NF2: variants seen among roughly 807,000 people sequenced by gnomAD.
NF2 encodes the protein NF2, moesin-ezrin-radixin like (MERLIN) tumor suppressor.
NF2 carries 8 observed loss-of-function variants against 83.7 expected under a neutral mutation model. That is an observed-to-expected ratio of 0.10 (90% CI 0.06 to 0.17). The LOEUF (loss-of-function observed/expected upper bound fraction) is 0.17. NF2 is among the 10% of genes least tolerant of loss of function. NF2 has a pLI of 1.00. For synonymous variants in NF2, 266 were observed against 269.6 expected (o/e 0.99, Z 0.13); for missense variants, 533 against 744.4 (o/e 0.72, Z 3.31).
chr22:29,648,469 G>T (rs1428307221), intron 4 of NF2, among the ~76,000 whole-genome samples: 1 of 152,214 alleles, frequency 6.6e-6, no homozygotes, highest in African/African-American at 2.4e-5. Flanking sequence ...CTGCCAAAGG[G>T]ATTGTGAAAT....
Position 29,677,916 on chromosome 22 carries a change from A to G in NF2, c.1447-280A>G, listed in dbSNP as rs3830085. ...GGGCCTGGGAGTTTCCTAAATGAAAAAGCGAGTGGGAGTTTGTGTTTGATT... is the reference window on the plus strand; with the variant it reads ...GGGCCTGGGAGTTTCCTAAATGAAAGAGCGAGTGGGAGTTTGTGTTTGATT... On this transcript the variant is annotated intron_variant, in intron 13 of 15. Coordinates refer to ENST00000338641, the MANE Select transcript of NF2 (RefSeq NM_000268.4). Among the ~76,000 whole-genome samples, 89 of 152,322 alleles carry G rather than the reference A, an allele frequency of 5.8e-4. 2 individuals carry two copies. In the East Asian group the frequency reaches 0.012, roughly 21 times the overall value.
rs916015534 is a variant in NF2 at position 29,683,206 on chromosome 22, A to G, written c.1737+1605A>G. 4 of 1,601,060 alleles carry G rather than the reference A, an allele frequency of 2.5e-6. No individual in the cohort carries two copies. The African/African-American group carries it at 4.0e-5, about 16-fold the overall frequency. On this transcript the variant is annotated intron_variant, in intron 15 of 15. Transcript: ENST00000338641. ...GTGGTGCCTGGGTACTGGCCGCAGC[A>G]TGCTTTGAGTCTAAAAGTAGGCACC...
chr22:29,664,371 C>CCACACACA (rs35386801), intron 8 of NF2, among the ~76,000 whole-genome samples: 25 of 146,454 alleles, frequency 1.7e-4, no homozygotes, highest in African/African-American at 4.8e-4. Flanking sequence ...AAAGCTAATA[C>CCACACACA]CACACACACA....
Position 29,657,798 on chromosome 22 carries a change from A to C in NF2, c.600-391A>C, listed in dbSNP as rs1054855292. 1.2e-4 allele frequency among the ~76,000 whole-genome samples: 18 copies of C among 152,236 alleles called. 1 individual carries two copies. The highest frequency in any genetic ancestry group is 2.2e-4 in the Non-Finnish European group (15 of 68,034). ...TTTCCAGAACCTTCCAGGTAAAGAA[A>C]GTACACAAAGGAAAAGCAAGAACTT... On this transcript the variant is annotated intron_variant, in intron 6 of 15. Coordinates refer to ENST00000338641, the MANE Select transcript of NF2 (RefSeq NM_000268.4).
chr22:29,659,167 T>C (rs2066404226), intron 7 of NF2, among the ~76,000 whole-genome samples: 1 of 152,244 alleles, frequency 6.6e-6, no homozygotes, highest in South Asian at 2.1e-4. Flanking sequence ...GTACAGGAAG[T>C]TCTTTTCTAA....
intron 11 of NF2, among the ~76,000 whole-genome samples, chr22:29,672,711 G>A (rs927090231): frequency 6.6e-6 from 1 of 151,748 alleles, no homozygotes; most frequent in African/African-American, 2.4e-5. Flanking sequence ...CGCCTCCTGG[G>A]TTCAAGCGAT....
chr22:29,643,999 C>T (rs1443629015), intron 4 of NF2, among the ~76,000 whole-genome samples: 21 of 136,056 alleles, frequency 1.5e-4, no homozygotes, highest in African/African-American at 2.0e-4. Context: ...CCGGACGGGG[C>T]GGCTGGCCTG....
chr22:29,622,913 C>T (rs977892704), intron 1 of NF2, among the ~76,000 whole-genome samples: 3 of 149,930 alleles, frequency 2.0e-5, no homozygotes, highest in African/African-American at 7.4e-5. Context: ...CTCGGCCTCC[C>T]AAAGTGCTGG....
rs374219104 is a variant in NF2 at position 29,694,846 on chromosome 22, C to T, written c.*44C>T. 5.6e-5 allele frequency: 89 copies of T among 1,590,090 alleles called. No homozygotes were observed. The highest frequency in any genetic ancestry group is 6.8e-5 in the South Asian group (6 of 88,660). ...CAGGACCTGCCACTTCTCCTGCTAC[C>T]GGGACCGCGGGATGGACCAGATATC... On this transcript the variant is annotated 3_prime_UTR_variant, in exon 16 of 16. Coordinates refer to ENST00000338641, the MANE Select transcript of NF2 (RefSeq NM_000268.4). This position sits in a 1 kb window ranked among gnomAD's most constrained non-coding sequence, Gnocchi z 4.1.
chr22:29,672,742 A>G (rs1020848544), intron 11 of NF2, among the ~76,000 whole-genome samples: 7 of 151,348 alleles, frequency 4.6e-5, no homozygotes, highest in Admixed American at 6.6e-5. Flanking sequence ...CAGCCTCCCA[A>G]GTAGCTGGGA....
intron 11 of NF2, among the ~76,000 whole-genome samples, chr22:29,672,503 G>A (rs1409518136): frequency 6.6e-6 from 1 of 151,860 alleles, no homozygotes; most frequent in African/African-American, 2.4e-5. Context: ...TAGTAGAGAT[G>A]GGGTTTCCCC....
At chr22:29,647,968 C>T (rs909263242) in intron 4 of NF2, among the ~76,000 whole-genome samples, 13 of 151,558 alleles carry the variant, frequency 8.6e-5, no homozygotes, top group African/African-American at 3.2e-4. Context: ...TAAATAAATA[C>T]ATACATACAA....
chr22:29,694,664 T>C lies in NF2; in HGVS notation c.1738-88T>C, dbSNP rs2067495389. 1 of 1,393,502 alleles carries C rather than the reference T, an allele frequency of 7.2e-7. No individual in the cohort carries two copies. The highest frequency in any genetic ancestry group is 1.4e-5 in the African/African-American group (1 of 70,016). The allele number at this position is 1,393,502 out of a possible 1,614,324, so 86.3% of individuals were successfully genotyped here. ...CCTTCCCTTTCGCTCCCAGCCACCT[T>C]TGAGGTGAGTCCAAGTGGCAGGACA... is the stretch of plus-strand genomic sequence containing the variant. On this transcript the variant is annotated intron_variant, in intron 15 of 15. Transcript: ENST00000338641. This position sits in a 1 kb window ranked among gnomAD's most constrained non-coding sequence, Gnocchi z 4.1.
chr22:29,637,896 G>A (rs967194518), intron 2 of NF2, among the ~76,000 whole-genome samples: 9 of 152,182 alleles, frequency 5.9e-5, no homozygotes, highest in Non-Finnish European at 1.2e-4. Context: ...CCTTGGCATT[G>A]CCATCTAGAA....
intron 1 of NF2, among the ~76,000 whole-genome samples, chr22:29,627,300 C>T (rs933511357): frequency 6.6e-6 from 1 of 152,158 alleles, no homozygotes. Context: ...TTACCCAGCA[C>T]AGCGGGTTTG....
At chr22:29,638,708 GAAAT>G (rs2065717157) in intron 2 of NF2, among the ~76,000 whole-genome samples, 2 of 152,204 alleles carry the variant, frequency 1.3e-5, no homozygotes, top group African/African-American at 4.8e-5. Flanking sequence ...CAAGAAAAAA[GAAAT>G]AAAGGAAGAT....
intron 9 of NF2, among the ~76,000 whole-genome samples, chr22:29,665,559 A>G (rs1276996537): frequency 6.6e-6 from 1 of 152,162 alleles, no homozygotes; most frequent in East Asian, 1.9e-4. Context: ...GGAATTTTTA[A>G]AAAGGATTTT....
At chr22:29,658,783 A>T (rs1244304077) in intron 7 of NF2, among the ~76,000 whole-genome samples, 2 of 152,056 alleles carry the variant, frequency 1.3e-5, no homozygotes. Flanking sequence ...AGGGAGAGGC[A>T]TTTGTGTGCA....
chr22:29,648,853 G>A (rs1043681344), intron 4 of NF2, among the ~76,000 whole-genome samples: 5 of 152,200 alleles, frequency 3.3e-5, no homozygotes, highest in Admixed American at 6.5e-5. Context: ...GCCTCCCAAA[G>A]TGCAGGGATT....
Sources: gnomAD v4.1 joint callset for allele counts (sites outside exome capture counted in the v4.1 genomes callset) on GRCh38, gnomAD v4.1.1 for gene constraint, Gnocchi (gnomAD v3.1) non-coding constraint, MANE v1.5 for transcripts, NCBI Gene and HGNC (gene_info 2026-07-23, HGNC 2026-07-21) for gene names.